Variants in KRT4 observed in about 807,000 individuals in gnomAD.
KRT4 encodes keratin, type II cytoskeletal 4.
A neutral mutation model predicts 50.6 loss-of-function variants in KRT4; 47 were observed. The observed-to-expected ratio is 0.93, with a 90% CI of 0.73 to 1.18. The LOEUF is 1.18. KRT4 is among the 50% of genes most tolerant of loss of function. The probability of loss-of-function intolerance (pLI) is 0.00; values close to 1 mark genes in which losing one functional copy is unlikely to be tolerated. For missense variants in KRT4, 651 were observed against 645.7 expected, an observed-to-expected ratio of 1.01 and a Z score of -0.09; for synonymous variants, 254 against 251.2, an observed-to-expected ratio of 1.01 and a Z score of -0.10.
At chr12:52,808,660 T>C (rs1256317345) in intron 5 of KRT4, 26 bp downstream of exon 5, 1 of 1,613,398 alleles carries the variant, frequency 6.2e-7, no homozygotes, top group Admixed American at 1.7e-5. Flanking sequence ...GCCAGCCCCA[T>C]CTCCTGAGAG....
intron 3 of KRT4, 56 bp from the exon 4 acceptor site, chr12:52,809,534 G>T: frequency 8.0e-7 from 1 of 1,251,644 alleles, no homozygotes; most frequent in Non-Finnish European, 1.2e-6. Flanking sequence ...GTAGGAGGAC[G>T]GGTTACTAAG....
chr12:52,810,462 G>A (rs547093872), intron 3 of KRT4, among the ~76,000 whole-genome samples: 4 of 152,176 alleles, frequency 2.6e-5, no homozygotes, highest in African/African-American at 9.6e-5. Context: ...CAGGAGAATC[G>A]CTTGAACCCA....
chr12:52,807,190 C>T lies in KRT4; in HGVS notation c.1442G>A (p.Gly481Glu). The change falls in exon 9 of 9, where the codon GGG becomes GAG. Residue 481 changes from glycine to glutamate, a missense_variant. Transcript: ENST00000551956. Reference protein sequence around the residue: ...GISGGLGSGSGFGLSSGFGSG... With the variant: ...GISGGLGSGSEFGLSSGFGSG... ...GCCAAAGCCACTACTCAGGCCAAAC[C>T]CGGAGCCACTTCCTAATCCTCCGCT... 1.2e-6 allele frequency: 2 copies of T among 1,614,180 alleles called. No individual in the cohort carries two copies. The highest frequency in any genetic ancestry group is 2.2e-5 in the East Asian group (1 of 44,882).
At chr12:52,812,612 T>C (rs992780265) in intron 1 of KRT4, among the ~76,000 whole-genome samples, 1 of 152,072 alleles carries the variant, frequency 6.6e-6, no homozygotes, top group Non-Finnish European at 1.5e-5. Context: ...AGCCTCAGAA[T>C]TGAAAGGAAA....
intron 2 of KRT4, 67 bp downstream of exon 2, chr12:52,811,696 G>A: frequency 2.3e-6 from 3 of 1,318,062 alleles, no homozygotes; most frequent in Non-Finnish European, 3.3e-6. Context: ...ACTGGAGAGA[G>A]CCCCGGGAGC....
intron 1 of KRT4, 113 bp from the exon 2 acceptor site, chr12:52,812,090 C>T: frequency 5.0e-6 from 4 of 800,224 alleles, no homozygotes; most frequent in South Asian, 4.4e-5. Flanking sequence ...CCAAGAACCA[C>T]CCAAGTAGGG....
At chr12:52,807,415 G>T in intron 7 of KRT4, 22 bp from the exon 8 acceptor site, 1 of 1,614,096 alleles carries the variant, frequency 6.2e-7, no homozygotes, top group Non-Finnish European at 8.5e-7. Context: ...AGAAAAGGCG[G>T]TGAGCCTCAG....
rs1939866460 is a variant in KRT4, at chr12:52,809,364, G to A, written c.834+19C>T. 1.3e-6 allele frequency: 2 copies of A among 1,561,632 alleles called. No individual in the cohort carries two copies. The highest frequency in any genetic ancestry group is 1.8e-6 in the Non-Finnish European group (2 of 1,132,114). On this transcript the variant is annotated intron_variant, in intron 4 of 8. Coordinates refer to ENST00000551956, the MANE Select transcript of KRT4 (RefSeq NM_002272.4). ...GGGGATTCCCTTTCCCTGGATGGAG[G>A]GGAGGATGGAGCCCTCACCGCATCA...
In KRT4 at chr12:52,807,139, A is replaced by T; in HGVS notation, c.1493T>A (p.Phe498Tyr). The T allele has an allele frequency of 6.2e-7, 1 of 1,614,162 alleles. No individual in the cohort carries two copies. The highest frequency in any genetic ancestry group is 8.5e-7 in the Non-Finnish European group (1 of 1,180,028). The change falls in exon 9 of 9, where the codon TTT (phenylalanine) becomes TAT (tyrosine). Residue 498 changes from phenylalanine (F) to tyrosine (Y), a missense_variant. Coordinates refer to ENST00000551956, the MANE Select transcript of KRT4 (RefSeq NM_002272.4). ...FGSGSGSGFG[F>Y]GGSVSGSSSS... Reference sequence around the variant, plus strand: ...GGAACTGCCAGAGACACTGCCACCAAACCCAAAGCCACTTCCAGAGCCGGA... The same window carrying T: ...GGAACTGCCAGAGACACTGCCACCATACCCAAAGCCACTTCCAGAGCCGGA...
chr12:52,808,945 T>C, intron 4 of KRT4, 95 bp from the exon 5 acceptor site: 4 of 1,333,064 alleles, frequency 3.0e-6, no homozygotes, highest in Non-Finnish European at 4.3e-6. Flanking sequence ...TCACAATGTG[T>C]AGGAAGGGGA....
Position 52,814,093 on chromosome 12 carries a change from G to T in KRT4, c.-35C>A. On this transcript the variant is annotated 5_prime_UTR_variant, in exon 1 of 9. Coordinates refer to ENST00000551956, the MANE Select transcript of KRT4 (RefSeq NM_002272.4). ...GAGCGAGCTGGGAGCTATCAGAGAAGTGACAGGGCCCAGGCCGGTGAGTGC... is the reference window on the plus strand; with the variant it reads ...GAGCGAGCTGGGAGCTATCAGAGAATTGACAGGGCCCAGGCCGGTGAGTGC... 1 of 1,613,866 alleles carries T rather than the reference G, an allele frequency of 6.2e-7. No homozygotes were observed.
chr12:52,809,006 T>A (rs1939859535), intron 4 of KRT4, 156 bp from the exon 5 acceptor site: 7 of 817,722 alleles, frequency 8.6e-6, no homozygotes, highest in Non-Finnish European at 1.4e-5. Flanking sequence ...CAGTTCAGGA[T>A]GGAAGAGCAA....
rs139604777 is a variant in KRT4, at chr12:52,811,222, C to T, written c.678-406G>A. 4.1e-4 allele frequency among the ~76,000 whole-genome samples: 62 copies of T among 152,324 alleles called. 1 individual carries two copies. Among genetic ancestry groups the T allele is most frequent in the African/African-American group, 1.4e-3 (58 of 41,576 alleles). On this transcript the variant is annotated intron_variant, in intron 2 of 8. Coordinates refer to ENST00000551956, the MANE Select transcript of KRT4 (RefSeq NM_002272.4). ...AGGGTTGGTATTTATTTTGTCAGTC[C>T]TATCCCATAGTGAGTTTAATGAGAG...
chr12:52,806,842 G>A lies in KRT4; in HGVS notation c.*227C>T. 2 of 604,398 alleles carry A rather than the reference G, an allele frequency of 3.3e-6. No homozygotes were observed. The highest frequency in any genetic ancestry group is 3.0e-6 in the Non-Finnish European group (1 of 335,630). 37.4% of individuals were successfully genotyped at this position (604,398 alleles called of 1,614,324 possible). ...GTCAGCTGACATCCTTCCCATTCCA[G>A]GTGGGTCACCAGGCCCAAATCAAGA... is the stretch of plus-strand genomic sequence containing the variant. On this transcript the variant is annotated 3_prime_UTR_variant, in exon 9 of 9. Transcript: ENST00000551956.
At chr12:52,811,052 T>C in intron 2 of KRT4, 2 of 521,334 alleles carry the variant, frequency 3.8e-6, no homozygotes, top group Non-Finnish European at 6.9e-6. Context: ...AGAGACTGTT[T>C]TCGATAGAAA....
In KRT4 at chr12:52,807,062, G is replaced by A. The variant is rs370014383; in HGVS notation, c.*7C>T. The A allele has an allele frequency of 2.2e-5, 36 of 1,613,806 alleles. No individual in the cohort carries two copies. The highest frequency in any genetic ancestry group is 1.4e-4 in the South Asian group (13 of 91,062). On this transcript the variant is annotated 3_prime_UTR_variant, in exon 9 of 9. Transcript: ENST00000551956. ...GGACACAGTGAGCTGCAGGGACCTC[G>A]TCTCCTCTATCGTCTCTTGTTCAGG...
chr12:52,808,796 C>G lies in KRT4; in HGVS notation c.889G>C (p.Asp297His). The G allele has an allele frequency of 6.2e-7, 1 of 1,614,176 alleles. No homozygotes were observed. The highest frequency in any genetic ancestry group is 8.5e-7 in the Non-Finnish European group (1 of 1,180,028). Reference sequence around the variant, plus strand: ...TCCAGGTCCAGGTTGCGGTTGTTGTCCATGGAAAGGACCACGGACGTGTCG... The same window carrying G: ...TCCAGGTCCAGGTTGCGGTTGTTGTGCATGGAAAGGACCACGGACGTGTCG... ...VSDTSVVLSM[D>H]NNRNLDLDSI... The change falls in exon 5 of 9, where the codon GAC becomes CAC. Residue 297 changes from aspartate to histidine, a missense_variant. Physicochemically the swap from Asp to His is moderately conservative, Grantham distance 81 (BLOSUM62 -1). Coordinates refer to ENST00000551956, the MANE Select transcript of KRT4 (RefSeq NM_002272.4).
rs201805600 is a variant in KRT4, at chr12:52,813,700, G to T, written c.359C>A (p.Thr120Asn). Residue 120 changes from threonine to asparagine, a missense_variant, in exon 1 of 9, where the codon ACC (threonine) becomes AAC (asparagine). By Grantham distance (65) the Thr-to-Asn change is moderately conservative (BLOSUM62 0). Transcript: ENST00000551956. ...QEVTINQSLL[T>N]PLHVEIDPEI... ...AGGGTCAATCTCCACGTGGAGGGGG[G>T]TGAGCAAGCTCTGGTTGATGGTGAC... 4.6e-5 allele frequency: 74 copies of T among 1,614,110 alleles called. No individual in the cohort carries two copies. The highest frequency in any genetic ancestry group is 5.0e-5 in the Admixed American group (3 of 60,028).
Position 52,806,878 on chromosome 12 carries a change from A to G in KRT4, c.*191T>C. 1 of 681,082 alleles carries G rather than the reference A, an allele frequency of 1.5e-6. No homozygotes were observed. Among genetic ancestry groups the G allele is most frequent in the Non-Finnish European group, 2.6e-6 (1 of 390,512 alleles). The allele number at this position is 681,082 out of a possible 1,614,324, so 42.2% of individuals were successfully genotyped here. On this transcript the variant is annotated 3_prime_UTR_variant, in exon 9 of 9. Transcript: ENST00000551956. ...AGGCCCAAATCAAGAAGTAGCTACC[A>G]AACTCCAAGAGGCAGAGTCCCTGTC...
Sources: gnomAD v4.1 joint callset for allele counts (sites outside exome capture counted in the v4.1 genomes callset) on GRCh38, gnomAD v4.1.1 for gene constraint, MANE v1.5 for transcripts, NCBI Gene and HGNC (gene_info 2026-07-23, HGNC 2026-07-21) for gene names.